Variants in IMMP2L observed in about 807,000 individuals in gnomAD.
The protein encoded by IMMP2L is mitochondrial inner membrane protease subunit 2.
Under a neutral mutation model 19.3 loss-of-function variants are expected in IMMP2L, and 18 were observed. That is an observed-to-expected ratio of 0.93 (90% CI 0.64 to 1.38). The LOEUF is 1.38. Ranked by LOEUF, IMMP2L falls within the 40% of genes most tolerant of loss-of-function variation. IMMP2L has a pLI of 0.00. For synonymous variants in IMMP2L, 76 were observed against 73.0 expected, an observed-to-expected ratio of 1.04 and a Z score of -0.21; for missense variants, 233 against 218.2, an observed-to-expected ratio of 1.07 and a Z score of -0.43.
intron 4 of IMMP2L, among the ~76,000 whole-genome samples, chr7:110,954,489 A>T (rs2129554563): frequency 6.6e-6 from 1 of 152,200 alleles, no homozygotes; most frequent in South Asian, 2.1e-4. Context: ...ATCACAACAA[A>T]AACTATCACT....
Position 110,781,410 on chromosome 7 carries a change from CTTTT to C in IMMP2L, c.408+105179_408+105182del, listed in dbSNP as rs549941484. Among the ~76,000 whole-genome samples, 859 of 151,808 alleles carry C rather than the reference CTTTT, an allele frequency of 5.7e-3. 2 individuals are homozygous for C. The highest frequency in any genetic ancestry group is 0.014 in the Middle Eastern group (4 of 292). Reference sequence around the variant, plus strand: ...TTTTTAAGGTGAATAAAATGCAATGCTTTTTTGAGTTAAGAATATTAAAATATAT... The same window carrying C: ...TTTTTAAGGTGAATAAAATGCAATGCTTGAGTTAAGAATATTAAAATATAT... On this transcript the variant is annotated intron_variant, in intron 5 of 5. Transcript: ENST00000405709.
intron 5 of IMMP2L, among the ~76,000 whole-genome samples, chr7:110,829,784 A>T (rs1803802677): frequency 6.6e-6 from 1 of 152,152 alleles, no homozygotes; most frequent in South Asian, 2.1e-4. Context: ...TAAAATATGT[A>T]TAATTAACTT....
At chr7:110,947,499 A>T (rs2129553701) in intron 4 of IMMP2L, among the ~76,000 whole-genome samples, 1 of 152,292 alleles carries the variant, frequency 6.6e-6, no homozygotes, top group Admixed American at 6.5e-5. Context: ...ATTAAAGGTC[A>T]CCTTACTTTC....
rs185044361 is a variant in IMMP2L at position 111,415,217 on chromosome 7, G to A, written c.239+72021C>T. On this transcript the variant is annotated intron_variant, in intron 3 of 5. Transcript: ENST00000405709. ...GGACTTACAGGAGGGGACCTCTAGA[G>A]ACCGAGAGCAGTCTCCAGACAAGAG... 2.4e-3 allele frequency among the ~76,000 whole-genome samples: 369 copies of A among 151,840 alleles called. 13 individuals are homozygous for A. Among genetic ancestry groups the A allele is most frequent in the African/African-American group, 8.5e-3 (351 of 41,196 alleles).
chr7:111,554,582 C>T (rs1209465906), intron 1 of IMMP2L, among the ~76,000 whole-genome samples: 1 of 151,938 alleles, frequency 6.6e-6, no homozygotes, highest in African/African-American at 2.4e-5. Flanking sequence ...TATCATAGCA[C>T]ATATTGTCCC....
At position 111,521,541 on chromosome 7, in the gene IMMP2L, G is replaced by A. The variant is rs537423671; in HGVS notation, c.-2-92C>T. 3.1e-4 allele frequency: 347 copies of A among 1,120,942 alleles called. 1 individual carries two copies. The South Asian group carries it at 3.7e-3, about 12-fold the overall frequency. 69.4% of individuals were successfully genotyped at this position (1,120,942 alleles called of 1,614,324 possible). A position where few individuals can be genotyped will look rare whatever the true frequency, so the allele number is the denominator to read the frequency against. On this transcript the variant is annotated intron_variant, in intron 1 of 5. Coordinates refer to ENST00000405709, the MANE Select transcript of IMMP2L (RefSeq NM_032549.4). Reference sequence around the variant, plus strand: ...CAGTACATGAAAAGTAAGAGTTACCGAAGGGCAATCTTGTCTCTTAATATA... The same window carrying A: ...CAGTACATGAAAAGTAAGAGTTACCAAAGGGCAATCTTGTCTCTTAATATA...
At chr7:111,107,957 A>G (rs990637870) in intron 3 of IMMP2L, among the ~76,000 whole-genome samples, 1 of 152,184 alleles carries the variant, frequency 6.6e-6, no homozygotes, top group Non-Finnish European at 1.5e-5. Flanking sequence ...AATATTTCCC[A>G]GTCTCAACTT....
chr7:110,797,693 A>G (rs1033602075), intron 5 of IMMP2L, among the ~76,000 whole-genome samples: 16 of 151,994 alleles, frequency 1.1e-4, no homozygotes, highest in African/African-American at 3.6e-4. Context: ...TACTTTATTC[A>G]CATGCTATTT....
chr7:110,780,848 C>T (rs1799689503), intron 5 of IMMP2L, among the ~76,000 whole-genome samples: 1 of 151,830 alleles, frequency 6.6e-6, no homozygotes, highest in South Asian at 2.1e-4. Flanking sequence ...CAGCCTTTTG[C>T]TTCAGAGTGC....
intron 3 of IMMP2L, among the ~76,000 whole-genome samples, chr7:111,301,151 G>C (rs902709497): frequency 6.6e-6 from 1 of 152,050 alleles, no homozygotes; most frequent in Non-Finnish European, 1.5e-5. Context: ...TAGGTGTGTA[G>C]TAATAACTTA....
intron 5 of IMMP2L, among the ~76,000 whole-genome samples, chr7:110,885,967 G>GT (rs1720901309): frequency 6.6e-6 from 1 of 151,918 alleles, no homozygotes; most frequent in Admixed American, 6.6e-5. Flanking sequence ...CCACAATTAG[G>GT]TCTCTTTGTT....
At chr7:110,771,219 G>C (rs1435053286) in intron 5 of IMMP2L, among the ~76,000 whole-genome samples, 3 of 152,128 alleles carry the variant, frequency 2.0e-5, no homozygotes, top group Non-Finnish European at 4.4e-5. Flanking sequence ...CTATGAGACT[G>C]CTGGTTTGGA....
chr7:111,327,787 T>C (rs2130610285), intron 3 of IMMP2L, among the ~76,000 whole-genome samples: 1 of 151,666 alleles, frequency 6.6e-6, no homozygotes, highest in South Asian at 2.1e-4. Flanking sequence ...GAGCCATAAA[T>C]TGCTTAAGGT....
intron 5 of IMMP2L, among the ~76,000 whole-genome samples, chr7:110,671,328 A>C (rs909047266): frequency 6.6e-6 from 1 of 152,246 alleles, no homozygotes; most frequent in Non-Finnish European, 1.5e-5. Flanking sequence ...TCAAATGTTA[A>C]TATGGCTTAG....
At chr7:110,739,514 C>T (rs1796856036) in intron 5 of IMMP2L, among the ~76,000 whole-genome samples, 1 of 152,114 alleles carries the variant, frequency 6.6e-6, no homozygotes, top group Non-Finnish European at 1.5e-5. Context: ...GAAAATATCA[C>T]AGTTCTAAAT....
In IMMP2L at chr7:111,397,371, C is replaced by A. The variant is rs73424074; in HGVS notation, c.239+89867G>T. On this transcript the variant is annotated intron_variant, in intron 3 of 5. Coordinates refer to ENST00000405709, the MANE Select transcript of IMMP2L (RefSeq NM_032549.4). ...AATATTGTAGTTGATTTTGCTAACC[C>A]ACCACTATTGGACAGTTACTACCAT... 9.8e-3 allele frequency among the ~76,000 whole-genome samples: 1,492 copies of A among 152,154 alleles called. 29 individuals are homozygous for A. The highest frequency in any genetic ancestry group is 0.034 in the African/African-American group (1,409 of 41,510).
intron 5 of IMMP2L, among the ~76,000 whole-genome samples, chr7:110,817,791 A>C (rs533653585): frequency 1.4e-4 from 22 of 152,092 alleles, no homozygotes; most frequent in Admixed American, 3.3e-4. Flanking sequence ...CAGAACAGAG[A>C]CCTCAGAAAT....
Position 110,746,255 on chromosome 7 carries a change from G to A in IMMP2L, c.409-82534C>T, listed in dbSNP as rs564152668. 1.1e-4 allele frequency among the ~76,000 whole-genome samples: 17 copies of A among 152,214 alleles called. No homozygotes were observed. The South Asian group carries it at 3.5e-3, about 32-fold the overall frequency. Reference sequence around the variant, plus strand: ...ATACAGGAGCACCCAGATTCATGAAGCAAGTTCTTAGAGACCTATCTAGAG... The same window carrying A: ...ATACAGGAGCACCCAGATTCATGAAACAAGTTCTTAGAGACCTATCTAGAG... On this transcript the variant is annotated intron_variant, in intron 5 of 5. Coordinates refer to ENST00000405709, the MANE Select transcript of IMMP2L (RefSeq NM_032549.4).
intron 4 of IMMP2L, among the ~76,000 whole-genome samples, chr7:110,928,853 G>C (rs1249226126): frequency 6.6e-6 from 1 of 152,082 alleles, no homozygotes; most frequent in African/African-American, 2.4e-5. Context: ...CCAGGTTCCT[G>C]AGCAGAGGTA....
Sources: allele counts gnomAD v4.1 joint callset (sites outside exome capture counted in the v4.1 genomes callset), GRCh38; gene constraint gnomAD v4.1.1; transcripts MANE v1.5; gene names NCBI Gene and HGNC (gene_info 2026-07-23, HGNC 2026-07-21).